Variants in CACNA1E observed in about 807,000 individuals in gnomAD.
The protein encoded by CACNA1E is calcium voltage-gated channel subunit alpha1 E, also known as voltage-dependent R-type calcium channel subunit alpha-1E.
A neutral mutation model predicts 259.2 loss-of-function variants in CACNA1E; 40 were observed. The ratio of observed to expected loss-of-function variants is 0.15; its 90% CI spans 0.12 to 0.20. The LOEUF (loss-of-function observed/expected upper bound fraction) is 0.20. Ranked by LOEUF, CACNA1E falls within the 10% of genes least tolerant of loss-of-function variation. The pLI is 1.00. For missense variants in CACNA1E, 1,874 were observed against 3,040.1 expected, an observed-to-expected ratio of 0.62 and a Z score of 9.02; for synonymous variants, 1,104 against 1,138.5, an observed-to-expected ratio of 0.97 and a Z score of 0.61.
In CACNA1E at chr1:181,321,700, A is replaced by G. The variant is rs76675648; in HGVS notation, c.-15+3577A>G. Among the ~76,000 whole-genome samples, 496 of 152,286 alleles carry G rather than the reference A, an allele frequency of 3.3e-3. 3 individuals carry two copies. Among genetic ancestry groups the G allele is most frequent in the African/African-American group, 0.012 (479 of 41,558 alleles). On this transcript the variant is annotated intron_variant, in intron 1 of 11. Coordinates refer to the CACNA1E transcript ENST00000524607. ...TCATTCCCACTTACCCTGCAGCACA[A>G]TAATTTACCAGACCAAGAACAGCAT...
intron 16 of CACNA1E, among the ~76,000 whole-genome samples, chr1:181,722,148 C>T (rs1654467618): frequency 6.6e-6 from 1 of 152,136 alleles, no homozygotes. Context: ...GTTGGAGGTA[C>T]TATGAGCTGG....
chr1:181,522,520 G>A (rs1469821952), intron 3 of CACNA1E, among the ~76,000 whole-genome samples: 1 of 152,168 alleles, frequency 6.6e-6, no homozygotes, highest in African/African-American at 2.4e-5. Flanking sequence ...CCACATGCTT[G>A]TTTATGGGAT....
chr1:181,708,717 A>G (rs1653041113), intron 7 of CACNA1E, among the ~76,000 whole-genome samples: 1 of 152,238 alleles, frequency 6.6e-6, no homozygotes, highest in Non-Finnish European at 1.5e-5. Context: ...TCTGTTTCTT[A>G]CTTAAACTCC....
chr1:181,443,034 A>G (rs1476018950), intron 2 of CACNA1E, among the ~76,000 whole-genome samples: 3 of 152,212 alleles, frequency 2.0e-5, no homozygotes, highest in Non-Finnish European at 4.4e-5. Context: ...GGCCCAGTGC[A>G]GAGGGGCAGC....
At chr1:181,458,748 CT>C (rs1321970882) in intron 2 of CACNA1E, among the ~76,000 whole-genome samples, 1 of 152,108 alleles carries the variant, frequency 6.6e-6, no homozygotes, top group Non-Finnish European at 1.5e-5. Flanking sequence ...TATTGTTTGC[CT>C]TTCTATCTTT....
intron 2 of CACNA1E, among the ~76,000 whole-genome samples, chr1:181,477,608 T>C (rs1007228506): frequency 2.0e-5 from 3 of 152,138 alleles, no homozygotes; most frequent in Admixed American, 6.5e-5. Flanking sequence ...CCTCCATTCC[T>C]CTTTCTGACC....
chr1:181,771,236 T>C, intron 35 of CACNA1E, 57 bp from the exon 36 acceptor site: 2 of 990,364 alleles, frequency 2.0e-6, no homozygotes, highest in Non-Finnish European at 3.1e-6. Flanking sequence ...CCTCATGTGC[T>C]GGACACATCA....
At chr1:181,376,250 T>C (rs1655089813) in intron 1 of CACNA1E, among the ~76,000 whole-genome samples, 1 of 152,222 alleles carries the variant, frequency 6.6e-6, no homozygotes, top group Admixed American at 6.5e-5. Context: ...ATACCATCTA[T>C]GTGGATTCCT....
intron 3 of CACNA1E, among the ~76,000 whole-genome samples, chr1:181,535,067 G>A (rs74698609): frequency 0.021 from 3,251 of 152,216 alleles, 53 homozygotes; most frequent in Non-Finnish European, 0.03. Flanking sequence ...ATTTCACTGT[G>A]ATAAAAAGAA....
At chr1:181,757,316 C>T (rs556948688) in intron 30 of CACNA1E, among the ~76,000 whole-genome samples, 190 bp downstream of exon 30, 19 of 152,270 alleles carry the variant, frequency 1.2e-4, no homozygotes, top group Admixed American at 7.2e-4. Context: ...GTATGAGGCA[C>T]GGAGATCTGG....
intron 1 of CACNA1E, among the ~76,000 whole-genome samples, chr1:181,364,321 A>G (rs2101929268): frequency 6.6e-6 from 1 of 152,280 alleles, no homozygotes. Flanking sequence ...ACACTTGTTT[A>G]TGATGCCCGT....
intron 24 of CACNA1E, 130 bp downstream of exon 24, chr1:181,738,556 C>G: frequency 1.3e-6 from 1 of 740,780 alleles, no homozygotes; most frequent in Non-Finnish European, 2.4e-6. Context: ...CTTCTGCCGC[C>G]CCTTCTCTGG....
At chr1:181,592,696 A>C (rs1200432477) in intron 6 of CACNA1E, among the ~76,000 whole-genome samples, 1 of 152,084 alleles carries the variant, frequency 6.6e-6, no homozygotes, top group Non-Finnish European at 1.5e-5. Flanking sequence ...GAGAGTGAAG[A>C]AAAATGTCAT....
At chr1:181,793,435 C>T (rs1225065857) in intron 44 of CACNA1E, among the ~76,000 whole-genome samples, 1 of 152,174 alleles carries the variant, frequency 6.6e-6, no homozygotes, top group Non-Finnish European at 1.5e-5. Context: ...GAATCTACAC[C>T]AGAAAAATAG....
At chr1:181,630,735 A>G (rs1398439034) in intron 6 of CACNA1E, among the ~76,000 whole-genome samples, 1 of 152,016 alleles carries the variant, frequency 6.6e-6, no homozygotes, top group Non-Finnish European at 1.5e-5. Flanking sequence ...AATGATACAC[A>G]GACAAGAAAA....
At position 181,485,914 on chromosome 1, in the gene CACNA1E, T is replaced by C. The variant is rs544769025; in HGVS notation, c.266+1904T>C. ...TGGCAAAGTGTGCCAGCAGCCATCG[T>C]TGGCACCTCGGACAGCGCCGCTGAA... On this transcript the variant is annotated intron_variant, in intron 1 of 47. Coordinates refer to ENST00000367573, the MANE Select transcript of CACNA1E (RefSeq NM_001205293.3). The surrounding 1 kb of genome is among the most constrained non-coding windows in gnomAD (Gnocchi z 4.2). Among the ~76,000 whole-genome samples, 3 of 152,344 alleles carry C rather than the reference T, an allele frequency of 2.0e-5. No individual in the cohort carries two copies. The highest frequency in any genetic ancestry group is 2.1e-4 in the South Asian group (1 of 4,834).
chr1:181,803,072 T>A lies in CACNA1E; in HGVS notation c.*4238T>A, dbSNP rs1373724516. 1 of 152,200 alleles carries A rather than the reference T, an allele frequency of 6.6e-6. No homozygotes were observed. The highest frequency in any genetic ancestry group is 1.5e-5 in the Non-Finnish European group (1 of 68,042). The allele number at this position is 152,200 out of a possible 1,614,324, so 9.4% of individuals were successfully genotyped here. A position where few individuals can be genotyped will look rare whatever the true frequency, so the allele number is the denominator to read the frequency against. On this transcript the variant is annotated 3_prime_UTR_variant, in exon 48 of 48. Coordinates refer to ENST00000367573, the MANE Select transcript of CACNA1E (RefSeq NM_001205293.3). Reference sequence around the variant, plus strand: ...GTTTCATGTCTGTTATGTTTTGAGATCCTCAGAGGCCTAGGGTTAGCGTAT... The same window carrying A: ...GTTTCATGTCTGTTATGTTTTGAGAACCTCAGAGGCCTAGGGTTAGCGTAT...
rs1656346286 is a variant in CACNA1E, at chr1:181,739,345, AG to A, written c.3719+95del. The A allele has an allele frequency of 4.5e-6, 4 of 882,684 alleles. No individual in the cohort carries two copies. In the African/African-American group the frequency reaches 5.0e-5, roughly 11 times the overall value. The allele number at this position is 882,684 out of a possible 1,614,324, so 54.7% of individuals were successfully genotyped here. A position where few individuals can be genotyped will look rare whatever the true frequency, so the allele number is the denominator to read the frequency against. ...AGCCCTTTCCAGAAATGCAACATGC[AG>A]GGTGATGCCAAAGAATGCCCCCGCT... On this transcript the variant is annotated intron_variant, in intron 25 of 47. Transcript: ENST00000367573.
intron 25 of CACNA1E, among the ~76,000 whole-genome samples, chr1:181,742,254 A>G (rs1656650430): frequency 6.6e-6 from 1 of 152,192 alleles, no homozygotes; most frequent in South Asian, 2.1e-4. Flanking sequence ...CCCACCTGCC[A>G]GCAGAGAGAG....
Sources: gnomAD v4.1 joint callset for allele counts (sites outside exome capture counted in the v4.1 genomes callset) on GRCh38, gnomAD v4.1.1 for gene constraint, Gnocchi (gnomAD v3.1) non-coding constraint, MANE v1.5 for transcripts, NCBI Gene and HGNC (gene_info 2026-07-23, HGNC 2026-07-21) for gene names.